The following GABRB3 variants were observed in gnomAD, a reference collection of about 807,000 sequenced individuals.
The protein encoded by GABRB3 is gamma-aminobutyric acid type A receptor subunit beta3.
A neutral mutation model predicts 52.1 loss-of-function variants in GABRB3; 14 were observed. The ratio of observed to expected loss-of-function variants is 0.27; its 90% CI spans 0.18 to 0.42. The LOEUF (loss-of-function observed/expected upper bound fraction) is 0.42, where lower values mean the gene tolerates loss of function less well. Among genes scored for constraint, GABRB3 ranks in the 10% least tolerant of loss-of-function variants. The probability of loss-of-function intolerance (pLI) is 1.00; values close to 1 mark genes in which losing one functional copy is unlikely to be tolerated. For missense variants in GABRB3, 307 were observed against 609.1 expected, an observed-to-expected ratio of 0.50 and a Z score of 5.22; for synonymous variants, 260 against 232.3, an observed-to-expected ratio of 1.12 and a Z score of -1.08.
intron 8 of GABRB3, among the ~76,000 whole-genome samples, chr15:26,554,226 T>G (rs1889669482): frequency 1.0e-5 from 1 of 99,570 alleles, no homozygotes; most frequent in African/African-American, 3.3e-5. Context: ...ACAAGGTCTC[T>G]CTTTGTTGCC....
chr15:26,741,063 T>A (rs1399547195), intron 3 of GABRB3, among the ~76,000 whole-genome samples: 27 of 150,650 alleles, frequency 1.8e-4, no homozygotes, highest in Admixed American at 3.3e-4. Context: ...TGTGTGTGTG[T>A]GTGTGTGTGT....
chr15:26,554,127 G>GTATATATATATATAAAGTA lies in GABRB3; in HGVS notation c.1081-6012_1081-5994dup, dbSNP rs1567097126. ...GTGTGTATATATATAAAGTGTGTGT[G>GTATATATATATATAAAGTA]TATATATATATATAAAGTATATATA... On this transcript the variant is annotated intron_variant, in intron 8 of 8. Transcript: ENST00000311550. Among the ~76,000 whole-genome samples, 80 of 22,564 alleles carry GTATATATATATATAAAGTA rather than the reference G, an allele frequency of 3.5e-3. 3 individuals are homozygous for GTATATATATATATAAAGTA. The highest frequency in any genetic ancestry group is 5.3e-3 in the Admixed American group (9 of 1,690). 14.8% of individuals were successfully genotyped at this position (22,564 alleles called of 152,430 possible).
intron 7 of GABRB3, 116 bp downstream of exon 7, chr15:26,567,465 C>A: frequency 1.1e-6 from 1 of 919,342 alleles, no homozygotes; most frequent in Non-Finnish European, 1.7e-6. Flanking sequence ...ACTATACAGG[C>A]AATGCTTGTG....
chr15:26,615,549 T>G, intron 4 of GABRB3: 1 of 666,948 alleles, frequency 1.5e-6, no homozygotes, highest in Non-Finnish European at 1.9e-6. Context: ...CTCTCAAGCA[T>G]CTGCGTGAGT....
chr15:26,554,129 A>G lies in GABRB3; in HGVS notation c.1081-5995T>C, dbSNP rs746344538. 5.2e-4 allele frequency among the ~76,000 whole-genome samples: 17 copies of G among 32,824 alleles called. 2 individuals carry two copies. Among genetic ancestry groups the G allele is most frequent in the South Asian group, 4.9e-3 (7 of 1,424 alleles). 21.5% of individuals were successfully genotyped at this position (32,824 alleles called of 152,430 possible). On this transcript the variant is annotated intron_variant, in intron 8 of 8. Transcript: ENST00000311550. ...GTGTATATATATAAAGTGTGTGTGTATATATATATATAAAGTATATATATA... is the reference window on the plus strand; with the variant it reads ...GTGTATATATATAAAGTGTGTGTGTGTATATATATATAAAGTATATATATA...
In GABRB3 at chr15:26,695,965, C is replaced by T. The variant is rs76120416; in HGVS notation, c.241-74431G>A. Among the ~76,000 whole-genome samples, 489 of 152,278 alleles carry T rather than the reference C, an allele frequency of 3.2e-3. 3 individuals are homozygous for T. The highest frequency in any genetic ancestry group is 0.011 in the African/African-American group (464 of 41,550). On this transcript the variant is annotated intron_variant, in intron 3 of 8. Coordinates refer to ENST00000311550, the MANE Select transcript of GABRB3 (RefSeq NM_000814.6). Reference sequence around the variant, plus strand: ...AAACTCCCAAAAGTCTTTTCTTCCACGGTAGGTTTAAGTAAGAAATTAGTA... The same window carrying T: ...AAACTCCCAAAAGTCTTTTCTTCCATGGTAGGTTTAAGTAAGAAATTAGTA...
intron 3 of GABRB3, among the ~76,000 whole-genome samples, chr15:26,681,369 T>C (rs1566803496): frequency 6.6e-6 from 1 of 152,132 alleles, no homozygotes; most frequent in Non-Finnish European, 1.5e-5. Context: ...AAACTGATAT[T>C]CTGCCCCCCC....
In GABRB3 at chr15:26,628,881, G is replaced by A. The variant is rs1892815566; in HGVS notation, c.241-7347C>T. On this transcript the variant is annotated intron_variant, in intron 3 of 8. Coordinates refer to ENST00000311550, the MANE Select transcript of GABRB3 (RefSeq NM_000814.6). Reference sequence around the variant, plus strand: ...GGCAGTCCTCAAACGGAGGCTCTCAGGCCTTGGAAATCCGAGCTGGGAGGT... The same window carrying A: ...GGCAGTCCTCAAACGGAGGCTCTCAAGCCTTGGAAATCCGAGCTGGGAGGT... The A allele has an allele frequency of 2.3e-6, 3 of 1,278,556 alleles. No homozygotes were observed. In the South Asian group the frequency reaches 3.8e-5, roughly 16 times the overall value. The allele number at this position is 1,278,556 out of a possible 1,614,324, so 79.2% of individuals were successfully genotyped here.
intron 3 of GABRB3, among the ~76,000 whole-genome samples, chr15:26,631,974 T>C (rs1044635728): frequency 7.2e-5 from 11 of 152,096 alleles, no homozygotes; most frequent in African/African-American, 2.7e-4. Flanking sequence ...AAGCTCACAA[T>C]CTAGTGGGGA....
At chr15:26,556,148 A>G (rs1320742794) in intron 8 of GABRB3, among the ~76,000 whole-genome samples, 1 of 152,216 alleles carries the variant, frequency 6.6e-6, no homozygotes, top group African/African-American at 2.4e-5. Flanking sequence ...GGTTCATCTC[A>G]TATCTACTAT....
chr15:26,599,750 A>G (rs1891520757), intron 4 of GABRB3, among the ~76,000 whole-genome samples: 1 of 152,172 alleles, frequency 6.6e-6, no homozygotes, highest in South Asian at 2.1e-4. Context: ...AAACAACAAC[A>G]AAAACAAAAA....
chr15:26,572,031 C>A (rs958051584), intron 6 of GABRB3, among the ~76,000 whole-genome samples: 1 of 137,328 alleles, frequency 7.3e-6, no homozygotes, highest in Non-Finnish European at 1.5e-5. Context: ...GGCGACAGAG[C>A]GAGACTCCGT....
At chr15:26,732,132 AGATG>A (rs748120956) in intron 3 of GABRB3, among the ~76,000 whole-genome samples, 90 of 151,836 alleles carry the variant, frequency 5.9e-4, no homozygotes, top group Non-Finnish European at 9.7e-4. Context: ...ACAGATGGAC[AGATG>A]GATGGATGGA....
intron 4 of GABRB3, among the ~76,000 whole-genome samples, chr15:26,617,602 C>T (rs1218564908): frequency 6.6e-6 from 1 of 151,840 alleles, no homozygotes; most frequent in Non-Finnish European, 1.5e-5. Flanking sequence ...TGAAAACTGG[C>T]ACAAGACAGG....
intron 4 of GABRB3, among the ~76,000 whole-genome samples, chr15:26,606,020 A>G (rs1275971314): frequency 6.6e-6 from 1 of 152,082 alleles, no homozygotes; most frequent in Non-Finnish European, 1.5e-5. Flanking sequence ...GGTCCCACAC[A>G]CTTTTAAACA....
chr15:26,569,969 C>T (rs1890333377), intron 6 of GABRB3, among the ~76,000 whole-genome samples: 1 of 151,814 alleles, frequency 6.6e-6, no homozygotes, highest in South Asian at 2.1e-4. Flanking sequence ...TGGTTTTTAC[C>T]TTTTCATTGA....
At chr15:26,707,759 A>G (rs1390013158) in intron 3 of GABRB3, among the ~76,000 whole-genome samples, 1 of 152,192 alleles carries the variant, frequency 6.6e-6, no homozygotes, top group Non-Finnish European at 1.5e-5. Context: ...GTAGGTGGAC[A>G]TAGGCCTTTT....
At chr15:26,715,869 G>A (rs79311484) in intron 3 of GABRB3, among the ~76,000 whole-genome samples, 7,116 of 152,180 alleles carry the variant, frequency 0.047, 416 homozygotes, top group African/African-American at 0.14. Flanking sequence ...CATTTATAAT[G>A]TATAGAATGT....
chr15:26,716,506 G>C (rs1207215136), intron 3 of GABRB3: 1 of 723,014 alleles, frequency 1.4e-6, no homozygotes, highest in Non-Finnish European at 1.7e-6. Context: ...GATGCTCAGG[G>C]GGTTTGAGCA....
Sources: allele counts gnomAD v4.1 joint callset (sites outside exome capture counted in the v4.1 genomes callset), GRCh38; gene constraint gnomAD v4.1.1; transcripts MANE v1.5; gene names NCBI Gene and HGNC (gene_info 2026-07-23, HGNC 2026-07-21).